SLC23A2: variants seen among roughly 807,000 people sequenced by gnomAD.
SLC23A2 encodes Na(+)/L-ascorbic acid transporter 2.
A neutral mutation model predicts 73.3 loss-of-function variants in SLC23A2; 36 were observed. The ratio of observed to expected loss-of-function variants is 0.49; its 90% confidence interval spans 0.38 to 0.65. The LOEUF (loss-of-function observed/expected upper bound fraction) is 0.65, where lower values mean the gene tolerates loss of function less well. Ranked by LOEUF, SLC23A2 falls within the 30% of genes least tolerant of loss-of-function variation. The pLI is 0.00. For missense variants in SLC23A2, 507 were observed against 841.6 expected, an observed-to-expected ratio of 0.60 and a Z score of 4.92; for synonymous variants, 343 against 327.3, an observed-to-expected ratio of 1.05 and a Z score of -0.52.
chr20:4,951,846 G>C (rs1239398914), intron 2 of SLC23A2, among the ~76,000 whole-genome samples: 4 of 152,094 alleles, frequency 2.6e-5, no homozygotes, highest in African/African-American at 9.7e-5. Flanking sequence ...GCTCACACCT[G>C]TAATCCTAGC....
upstream of SLC23A2, among the ~76,000 whole-genome samples, chr20:5,002,049 G>A (rs2088135808): frequency 6.6e-6 from 1 of 152,146 alleles, no homozygotes; most frequent in South Asian, 2.1e-4. Context: ...ATTCTCTGGG[G>A]GTCGTGTTAG....
intron 1 of SLC23A2, among the ~76,000 whole-genome samples, chr20:4,975,585 T>G (rs1180478794): frequency 6.6e-6 from 1 of 152,130 alleles, no homozygotes; most frequent in East Asian, 1.9e-4. Flanking sequence ...TTCACCATGC[T>G]GGCCAGGCTG....
chr20:4,956,559 T>G (rs2087291003), intron 2 of SLC23A2, among the ~76,000 whole-genome samples: 1 of 152,180 alleles, frequency 6.6e-6, no homozygotes, highest in Non-Finnish European at 1.5e-5. Context: ...CTGTTCTTAC[T>G]CTTGTAGCAA....
intron 2 of SLC23A2, among the ~76,000 whole-genome samples, chr20:4,934,704 A>T (rs1235699135): frequency 6.6e-6 from 1 of 151,942 alleles, no homozygotes; most frequent in African/African-American, 2.4e-5. Context: ...TCTACTAAAA[A>T]ATACAAAAAT....
rs532740590 is a variant in SLC23A2 at position 4,869,689 on chromosome 20, C to T, written c.1250+217G>A. On this transcript the variant is annotated intron_variant, in intron 12 of 16. Coordinates refer to ENST00000338244, the MANE Select transcript of SLC23A2 (RefSeq NM_005116.6). ...AAGGAAGGGTAGGAATTCCGTTCCACGTCATGGACGAGGAAAATGAAAGTA... is the reference window on the plus strand; with the variant it reads ...AAGGAAGGGTAGGAATTCCGTTCCATGTCATGGACGAGGAAAATGAAAGTA... 14 of 490,826 alleles carry T rather than the reference C, an allele frequency of 2.9e-5. No homozygotes were observed. In the Middle Eastern group the frequency reaches 1.6e-3, roughly 56 times the overall value. 30.4% of individuals were successfully genotyped at this position (490,826 alleles called of 1,614,324 possible).
At chr20:5,000,163 G>T (rs562752575) in intron 1 of SLC23A2, among the ~76,000 whole-genome samples, 13 of 152,092 alleles carry the variant, frequency 8.5e-5, no homozygotes, top group Admixed American at 3.9e-4. Context: ...CTGATTTTTT[G>T]AGCTGAAAAG....
chr20:4,993,740 G>T (rs1484977169), intron 1 of SLC23A2, among the ~76,000 whole-genome samples: 1 of 152,076 alleles, frequency 6.6e-6, no homozygotes, highest in Non-Finnish European at 1.5e-5. Flanking sequence ...AAAAATTTGT[G>T]AAGCAATGTC....
intron 6 of SLC23A2, among the ~76,000 whole-genome samples, chr20:4,889,958 G>A (rs1931264614): frequency 6.6e-6 from 1 of 152,094 alleles, no homozygotes; most frequent in Admixed American, 6.6e-5. Context: ...AATGTGCATG[G>A]GTTTTCATGA....
upstream of SLC23A2, among the ~76,000 whole-genome samples, chr20:5,005,069 A>G (rs1237034684): frequency 6.6e-6 from 1 of 150,904 alleles, no homozygotes; most frequent in African/African-American, 2.4e-5. Flanking sequence ...GAAAGAATAA[A>G]CCTTTCCCAG....
At chr20:4,978,104 G>C (rs997474377) in intron 1 of SLC23A2, among the ~76,000 whole-genome samples, 5 of 152,028 alleles carry the variant, frequency 3.3e-5, no homozygotes, top group Admixed American at 6.6e-5. Flanking sequence ...ATAAACTCCT[G>C]ATTCAAGAAA....
upstream of SLC23A2, among the ~76,000 whole-genome samples, chr20:5,002,745 T>C (rs560460799): frequency 2.2e-4 from 34 of 152,330 alleles, no homozygotes; most frequent in African/African-American, 6.5e-4. Context: ...ATATTTAATT[T>C]TTTAGAGACA....
intron 1 of SLC23A2, among the ~76,000 whole-genome samples, chr20:4,989,127 T>C (rs980539168): frequency 3.3e-5 from 5 of 151,044 alleles, no homozygotes; most frequent in African/African-American, 1.2e-4. Context: ...TAGTCCCAGC[T>C]ACTCAGGAGG....
chr20:4,859,242 GT>G (rs375765400), intron 16 of SLC23A2, 46 bp downstream of exon 16: 17,905 of 1,005,414 alleles, frequency 0.018, 636 homozygotes, highest in African/African-American at 0.17. Flanking sequence ...TAACACATAT[GT>G]TAAAAAATAA....
At chr20:4,967,963 A>G (rs1419981422) in intron 2 of SLC23A2, among the ~76,000 whole-genome samples, 1 of 152,232 alleles carries the variant, frequency 6.6e-6, no homozygotes, top group African/African-American at 2.4e-5. Flanking sequence ...TCAGTTTAGT[A>G]AGACCGTGAT....
In SLC23A2 at chr20:4,952,882, G is replaced by A. The variant is rs560483370; in HGVS notation, c.-155+17911C>T. On this transcript the variant is annotated intron_variant, in intron 2 of 16. Transcript: ENST00000338244. Reference sequence around the variant, plus strand: ...TACTAAAAATACAAAAATTAGCCAGGCGTGGTGGCATGTACCTGTAATCCC... The same window carrying A: ...TACTAAAAATACAAAAATTAGCCAGACGTGGTGGCATGTACCTGTAATCCC... Among the ~76,000 whole-genome samples, 10 of 152,054 alleles carry A rather than the reference G, an allele frequency of 6.6e-5. No homozygotes were observed. In the East Asian group the frequency reaches 1.5e-3, roughly 23 times the overall value.
At position 4,876,328 on chromosome 20, in the gene SLC23A2, C is replaced by T. The variant is rs568039316; in HGVS notation, c.825-1632G>A. ...CACATTTAAGAGGGGACTGAGACCA[C>T]ACAGAATTTGAGGAGGGACACCCAG... On this transcript the variant is annotated intron_variant, in intron 9 of 16. Transcript: ENST00000338244. Among the ~76,000 whole-genome samples, 4 of 152,298 alleles carry T rather than the reference C, an allele frequency of 2.6e-5. No individual in the cohort carries two copies. The East Asian group carries it at 7.7e-4, about 29-fold the overall frequency.
intron 3 of SLC23A2, among the ~76,000 whole-genome samples, chr20:4,930,512 A>G (rs569912887): frequency 1.3e-4 from 20 of 152,298 alleles, no homozygotes; most frequent in Admixed American, 1.0e-3. Context: ...GCAGTCAATC[A>G]ATGTACTTAA....
In SLC23A2 at chr20:4,857,283, TACACACACACACACACACAC is replaced by T. The variant is rs398035250; in HGVS notation, c.1721-99_1721-80del. 6,259 of 420,474 alleles carry T rather than the reference TACACACACACACACACACAC, an allele frequency of 0.015. 12 individuals carry two copies. Among genetic ancestry groups the T allele is most frequent in the Middle Eastern group, 0.026 (54 of 2,082 alleles). 26.0% of individuals were successfully genotyped at this position (420,474 alleles called of 1,614,324 possible). On this transcript the variant is annotated intron_variant, in intron 16 of 16. Transcript: ENST00000338244. The surrounding 1 kb of genome is among the most constrained non-coding windows in gnomAD (Gnocchi z 4.0). ...GAAAATGAAACTGTCGTCAAACACA[TACACACACACACACACACAC>T]ACACACACACACACACACACACACA...
At chr20:4,986,426 G>A (rs1008355408) in intron 1 of SLC23A2, among the ~76,000 whole-genome samples, 1 of 152,086 alleles carries the variant, frequency 6.6e-6, no homozygotes, top group South Asian at 2.1e-4. Flanking sequence ...CAATTCTCCT[G>A]CCTCAGCCTC....
Sources: allele counts gnomAD v4.1 joint callset (sites outside exome capture counted in the v4.1 genomes callset), GRCh38; gene constraint gnomAD v4.1.1; non-coding constraint Gnocchi (gnomAD v3.1); transcripts MANE v1.5; gene names NCBI Gene and HGNC (gene_info 2026-07-23, HGNC 2026-07-21).